GTF2IRD1: variants seen among roughly 807,000 people sequenced by gnomAD.
The protein encoded by GTF2IRD1 is GTF2I repeat domain containing 1, also known as general transcription factor II-I repeat domain-containing protein 1.
In GTF2IRD1, 26 loss-of-function variants were observed where a neutral mutation model predicts 113.2. The observed-to-expected ratio is 0.23, with a 90% CI of 0.17 to 0.32. GTF2IRD1 has a LOEUF of 0.32. Among genes scored for constraint, GTF2IRD1 ranks in the 10% least tolerant of loss-of-function variants. The pLI, the probability that GTF2IRD1 is intolerant of heterozygous loss-of-function variation, is 1.00. For synonymous variants in GTF2IRD1, 484 were observed against 529.1 expected, an observed-to-expected ratio of 0.91 and a Z score of 1.17; for missense variants, 864 against 1,280.8, an observed-to-expected ratio of 0.67 and a Z score of 4.97.
At chr7:74,500,370 C>T (rs1554339117) in intron 1 of GTF2IRD1, among the ~76,000 whole-genome samples, 1 of 150,916 alleles carries the variant, frequency 6.6e-6, no homozygotes, top group African/African-American at 2.4e-5. Context: ...ATCGCTTGGG[C>T]TCGGGAGTTT....
intron 22 of GTF2IRD1, among the ~76,000 whole-genome samples, chr7:74,584,253 GGGC>G: frequency 6.6e-6 from 1 of 152,120 alleles, no homozygotes; most frequent in South Asian, 2.1e-4. Context: ...AGACTGGCCT[GGGC>G]AGCATAACAA....
intron 1 of GTF2IRD1, among the ~76,000 whole-genome samples, chr7:74,495,429 G>T (rs1554337629): frequency 6.6e-6 from 1 of 152,222 alleles, no homozygotes; most frequent in Non-Finnish European, 1.5e-5. Context: ...CTTTGCCTGA[G>T]CTGTCCCCTC....
At chr7:74,592,823 G>A (rs1554370251) in intron 24 of GTF2IRD1, among the ~76,000 whole-genome samples, 2 of 151,934 alleles carry the variant, frequency 1.3e-5, no homozygotes, top group African/African-American at 4.8e-5. Context: ...TTGAGCCACC[G>A]TACCCGGCCC....
At chr7:74,480,526 C>A (rs184515865) in intron 1 of GTF2IRD1, among the ~76,000 whole-genome samples, 2 of 152,326 alleles carry the variant, frequency 1.3e-5, no homozygotes, top group Admixed American at 1.3e-4. Flanking sequence ...AAGGCCACAA[C>A]GCCAGTTGCC....
chr7:74,572,662 C>A, intron 22 of GTF2IRD1: 1 of 425,674 alleles, frequency 2.3e-6, no homozygotes, highest in Non-Finnish European at 3.1e-6. Flanking sequence ...CCCTGCCTCC[C>A]TCTCTCAGCC....
At chr7:74,567,239 A>G (rs1800376760) in intron 22 of GTF2IRD1, among the ~76,000 whole-genome samples, 1 of 151,928 alleles carries the variant, frequency 6.6e-6, no homozygotes, top group African/African-American at 2.4e-5. Context: ...GAGGCAGGAG[A>G]ATCGCTTGAA....
chr7:74,471,688 AAC>A (rs1358256412), intron 1 of GTF2IRD1, among the ~76,000 whole-genome samples: 269 of 68,688 alleles, frequency 3.9e-3, no homozygotes, highest in African/African-American at 9.2e-3. Flanking sequence ...AAAAAAAAAA[AAC>A]AAAAAAAAAA....
At chr7:74,493,700 G>A (rs897800977) in intron 1 of GTF2IRD1, among the ~76,000 whole-genome samples, 4 of 151,948 alleles carry the variant, frequency 2.6e-5, no homozygotes, top group Admixed American at 1.3e-4. Context: ...GACCCACCTC[G>A]GCTCTGTCCC....
At chr7:74,520,842 C>CTACTATTATTAT in intron 6 of GTF2IRD1, among the ~76,000 whole-genome samples, 1 of 129,088 alleles carries the variant, frequency 7.7e-6, no homozygotes, top group South Asian at 2.6e-4. Context: ...GTTATATATA[C>CTACTATTATTAT]TATTATTATT....
chr7:74,582,241 G>A (rs1444746113), intron 22 of GTF2IRD1, among the ~76,000 whole-genome samples: 1 of 152,182 alleles, frequency 6.6e-6, no homozygotes, highest in Non-Finnish European at 1.5e-5. Flanking sequence ...CTAGAGCACA[G>A]ACACAAACCC....
intron 25 of GTF2IRD1, chr7:74,600,812 A>C (rs1179041918): frequency 3.4e-6 from 2 of 593,700 alleles, no homozygotes; most frequent in Non-Finnish European, 6.0e-6. Context: ...AAAGGCAGGC[A>C]GGCCAGCAAG....
chr7:74,593,411 A>G (rs1166312012), intron 24 of GTF2IRD1, among the ~76,000 whole-genome samples: 1 of 45,646 alleles, frequency 2.2e-5, no homozygotes, highest in East Asian at 8.0e-4. Flanking sequence ...CCTCATCTCT[A>G]CTAAAAAAAA....
chr7:74,519,883 C>T (rs1797166245), intron 6 of GTF2IRD1, among the ~76,000 whole-genome samples, 164 bp downstream of exon 6: 1 of 151,956 alleles, frequency 6.6e-6, no homozygotes, highest in Non-Finnish European at 1.5e-5. Flanking sequence ...CTGGCTGAGA[C>T]CCCCTTGGAC....
At chr7:74,545,285 C>A (rs1429632009) in intron 15 of GTF2IRD1, among the ~76,000 whole-genome samples, 2 of 152,008 alleles carry the variant, frequency 1.3e-5, no homozygotes, top group Non-Finnish European at 1.5e-5. Flanking sequence ...TCTGTAGTAT[C>A]CTGGAATGGA....
In GTF2IRD1 at chr7:74,473,399, C is replaced by T. The variant is rs370481874; in HGVS notation, c.-7+19223C>T. On this transcript the variant is annotated intron_variant, in intron 1 of 26. Coordinates refer to ENST00000424337, the MANE Select transcript of GTF2IRD1 (RefSeq NM_005685.4). ...CTCTGGAAACTTCTGTGAGGTTGGG[C>T]GTGGAGGTTGCATGGTGGCAGCTCA... Among the ~76,000 whole-genome samples the T allele has an allele frequency of 2.2e-4, 33 of 150,852 alleles. No individual in the cohort carries two copies. The East Asian group carries it at 5.7e-3, about 26-fold the overall frequency.
At chr7:74,458,258 G>A (rs1403899142) in intron 1 of GTF2IRD1, among the ~76,000 whole-genome samples, 1 of 152,164 alleles carries the variant, frequency 6.6e-6, no homozygotes, top group Non-Finnish European at 1.5e-5. Context: ...GGAATTTCCT[G>A]AAGGAATTCA....
chr7:74,589,865 A>C lies in GTF2IRD1; in HGVS notation c.2335A>C (p.Asn779His). 3 of 1,611,398 alleles carry C rather than the reference A, an allele frequency of 1.9e-6. No individual in the cohort carries two copies. Among genetic ancestry groups the C allele is most frequent in the Non-Finnish European group, 2.5e-6 (3 of 1,177,610 alleles). Residue 779 changes from asparagine to histidine, a missense_variant, in exon 23 of 27, where the codon AAC becomes CAC. Transcript: ENST00000424337. ...TCCTCTTGTAGATGAAGATGACGCC[A>C]ACAGACTCGGGGAGAAGGTGATCCT... The part of the protein sequence containing the change: ...LIPKPDEDDA[N>H]RLGEKVILRE...
At chr7:74,575,148 G>A (rs1217985391) in intron 22 of GTF2IRD1, among the ~76,000 whole-genome samples, 1 of 152,060 alleles carries the variant, frequency 6.6e-6, no homozygotes, top group Non-Finnish European at 1.5e-5. Flanking sequence ...TGGGGCGGGG[G>A]GATAAACAGA....
intron 1 of GTF2IRD1, among the ~76,000 whole-genome samples, chr7:74,474,295 TCA>T (rs1328429978): frequency 2.0e-5 from 3 of 152,204 alleles, no homozygotes; most frequent in Non-Finnish European, 2.9e-5. Context: ...TTTTCAGGAC[TCA>T]CAATGCCTGC....
Sources: allele counts gnomAD v4.1 joint callset (sites outside exome capture counted in the v4.1 genomes callset), GRCh38; gene constraint gnomAD v4.1.1; transcripts MANE v1.5; gene names NCBI Gene and HGNC (gene_info 2026-07-23, HGNC 2026-07-21).